Variants in BLTP1 observed in about 807,000 individuals in gnomAD.
The protein encoded by BLTP1 is bridge-like lipid transfer protein family member 1.
At chr4:122,279,698 G>C in the BLTP1 span, 6 of 1,458,954 alleles carry the variant, frequency 4.1e-6, no homozygotes, top group South Asian at 8.0e-5. Flanking sequence ...TATTTTTCTT[G>C]CTCTCAATAT....
chr4:122,323,215 CTT>C, the BLTP1 span, among the ~76,000 whole-genome samples: 7,045 of 152,200 alleles, frequency 0.046, 231 homozygotes, highest in East Asian at 0.13. Flanking sequence ...TTACTGGTCT[CTT>C]TCTCCAATGT....
chr4:122,178,545 T>C, the BLTP1 span, among the ~76,000 whole-genome samples: 2 of 152,218 alleles, frequency 1.3e-5, no homozygotes, highest in Admixed American at 6.5e-5. Flanking sequence ...TGATAAGATA[T>C]GGCTTCATTA....
chr4:122,289,891 G>A, the BLTP1 span: 4 of 634,620 alleles, frequency 6.3e-6, no homozygotes, highest in Non-Finnish European at 7.8e-6. Context: ...CAAGAACAGG[G>A]TGCTATGAGT....
At chr4:122,243,902 T>C in the BLTP1 span, 2 of 1,607,872 alleles carry the variant, frequency 1.2e-6, no homozygotes, top group Non-Finnish European at 1.7e-6. Flanking sequence ...ACACAGATGA[T>C]GAAACATTAA....
the BLTP1 span, chr4:122,246,293 C>G: frequency 6.4e-7 from 1 of 1,568,728 alleles, no homozygotes; most frequent in South Asian, 1.2e-5. Context: ...TGTTAGCATA[C>G]CAAAGGTAAC....
chr4:122,333,794 C>T, the BLTP1 span: 35 of 1,608,792 alleles, frequency 2.2e-5, no homozygotes, highest in African/African-American at 2.1e-4. Context: ...TTTACATTCC[C>T]GGAGTTGATG....
chr4:122,240,493 G>A, the BLTP1 span: 3 of 690,778 alleles, frequency 4.3e-6, no homozygotes, highest in African/African-American at 3.6e-5. Flanking sequence ...CTTTATGTAT[G>A]ATAGGTCACA....
chr4:122,254,218 T>G, the BLTP1 span: 1 of 1,612,880 alleles, frequency 6.2e-7, no homozygotes, highest in Non-Finnish European at 8.5e-7. Flanking sequence ...AATCTGATGA[T>G]TTGAAAAAAG....
At chr4:122,317,832 C>T in the BLTP1 span, among the ~76,000 whole-genome samples, 1 of 152,024 alleles carries the variant, frequency 6.6e-6, no homozygotes, top group Non-Finnish European at 1.5e-5. Context: ...CAAAATCGTA[C>T]CCAAGGCTTA....
the BLTP1 span, chr4:122,348,514 A>G: frequency 6.8e-7 from 1 of 1,468,032 alleles, no homozygotes. Context: ...TTTGCTTTGT[A>G]ACTAGCTTGG....
chr4:122,204,269 T>C, the BLTP1 span: 3 of 909,970 alleles, frequency 3.3e-6, no homozygotes, highest in Non-Finnish European at 3.9e-6. Flanking sequence ...ACAGAGGAAA[T>C]CACTGTTGTC....
chr4:122,190,169 C>T, the BLTP1 span: 2 of 1,497,508 alleles, frequency 1.3e-6, no homozygotes, highest in Admixed American at 3.9e-5. Flanking sequence ...TAATCATAGT[C>T]CACTATACCC....
the BLTP1 span, among the ~76,000 whole-genome samples, chr4:122,262,148 TTGTGTGTGTGTGTG>T: frequency 0.012 from 1,575 of 133,514 alleles, 32 homozygotes; most frequent in African/African-American, 0.04. Flanking sequence ...TACAGATCCT[TTGTGTGTGTGTGTG>T]TGTGTGTGTG....
the BLTP1 span, among the ~76,000 whole-genome samples, chr4:122,264,923 T>C: frequency 6.6e-6 from 1 of 152,210 alleles, no homozygotes; most frequent in Non-Finnish European, 1.5e-5. Flanking sequence ...TAGGCTTAGA[T>C]GTTTATGGCT....
chr4:122,358,103 T>C, the BLTP1 span, among the ~76,000 whole-genome samples: 3 of 152,320 alleles, frequency 2.0e-5, no homozygotes, highest in East Asian at 3.9e-4. Flanking sequence ...AATCTTCACA[T>C]ACAGCCCCAA....
the BLTP1 span, among the ~76,000 whole-genome samples, chr4:122,242,471 T>TG: frequency 1.3e-5 from 2 of 152,074 alleles, no homozygotes; most frequent in Non-Finnish European, 2.9e-5. Context: ...CTTGGGTAGT[T>TG]GGGGGGAAAA....
chr4:122,349,740 C>A, the BLTP1 span: 1 of 1,535,070 alleles, frequency 6.5e-7, no homozygotes, highest in Non-Finnish European at 8.7e-7. The surrounding 1 kb of genome is among the most constrained non-coding windows in gnomAD (Gnocchi z 4.5). Flanking sequence ...TTACAAAACT[C>A]TTATTTATTA....
the BLTP1 span, chr4:122,186,079 T>C: frequency 6.2e-7 from 1 of 1,605,470 alleles, no homozygotes; most frequent in Non-Finnish European, 8.5e-7. Flanking sequence ...TCAATGACTT[T>C]GAATTTCATG....
chr4:122,325,170 A>G, the BLTP1 span: 1 of 1,481,420 alleles, frequency 6.8e-7, no homozygotes, highest in Non-Finnish European at 9.2e-7. Context: ...GACTTTTATA[A>G]AGTCCAGGAA....
Sources: allele counts gnomAD v4.1 joint callset (sites outside exome capture counted in the v4.1 genomes callset), GRCh38; gene constraint gnomAD v4.1.1; non-coding constraint Gnocchi (gnomAD v3.1); transcripts MANE v1.5; gene names NCBI Gene and HGNC (gene_info 2026-07-23, HGNC 2026-07-21).